Variants in GGA3 observed in about 807,000 individuals in gnomAD.
GGA3 encodes ADP-ribosylation factor-binding protein GGA3.
In GGA3, 57 loss-of-function variants were observed where a neutral mutation model predicts 77.5. The observed-to-expected ratio is 0.74, with a 90% CI of 0.59 to 0.92. GGA3 has a LOEUF of 0.92. Ranked by LOEUF, GGA3 falls within the 40% of genes least tolerant of loss-of-function variation. The probability of loss-of-function intolerance (pLI) is 0.00; values close to 1 mark genes in which losing one functional copy is unlikely to be tolerated. For missense variants in GGA3, 970 were observed against 914.9 expected (o/e 1.06, Z -0.78); for synonymous variants, 416 against 383.7 (o/e 1.08, Z -0.98).
rs372366869 is a variant in GGA3 at position 75,240,453 on chromosome 17, G to A, written c.1193-41C>T. 2.9e-6 allele frequency: 4 copies of A among 1,367,364 alleles called. No homozygotes were observed. The South Asian group carries it at 4.9e-5, about 17-fold the overall frequency. The allele number at this position is 1,367,364 out of a possible 1,614,324, so 84.7% of individuals were successfully genotyped here. On this transcript the variant is annotated intron_variant, in intron 11 of 16. Transcript: ENST00000537686. The stretch of plus-strand genomic sequence containing the variant: ...AAAACAGGATGAGAAGAGGCTCTGA[G>A]CTAGGCAGCCCTAGCCCCGCCTTGC...
chr17:75,248,740 C>G (rs928054342), intron 1 of GGA3: 2 of 507,466 alleles, frequency 3.9e-6, no homozygotes, highest in African/African-American at 4.2e-5. Context: ...GAGCCGAGAT[C>G]GTGCCATTGC....
intron 1 of GGA3, among the ~76,000 whole-genome samples, chr17:75,253,411 A>T (rs2077037865): frequency 6.6e-6 from 1 of 152,206 alleles, no homozygotes; most frequent in South Asian, 2.1e-4. Context: ...TAATCATTGC[A>T]GGGACACCTC....
intron 4 of GGA3, 38 bp from the exon 5 acceptor site, chr17:75,243,608 G>T: frequency 6.2e-7 from 1 of 1,605,372 alleles, no homozygotes; most frequent in Non-Finnish European, 8.5e-7. Flanking sequence ...AGTAAGTGCA[G>T]TTCGGAGGCA....
rs376390518 is a variant in GGA3, at chr17:75,240,381, G to A, written c.1224C>T (p.Pro408=). ...GLADPAPNVP[P]KESAGNSQWH... ...ACTGGCTGTTCCCAGCTGACTCTTT[G>A]GGAGGAACATTAGGGGCTGGGTCGG... Residue 408 remains proline (P), a synonymous_variant, in exon 12 of 17, where the codon CCC becomes CCT. Coordinates refer to ENST00000537686, the MANE Select transcript of GGA3 (RefSeq NM_138619.4). 2.3e-4 allele frequency: 369 copies of A among 1,601,194 alleles called. 3 individuals are homozygous for A. In the Middle Eastern group the frequency reaches 2.9e-3, roughly 13 times the overall value.
chr17:75,246,650 C>G, intron 2 of GGA3, 62 bp downstream of exon 2: 1 of 1,593,644 alleles, frequency 6.3e-7, no homozygotes, highest in Middle Eastern at 1.7e-4. Context: ...CCCTCCTTGG[C>G]CATGGTTGTT....
chr17:75,237,915 ACTCCCAC>A lies in GGA3; in HGVS notation c.*357_*363del. The A allele has an allele frequency of 3.8e-6, 4 of 1,054,072 alleles. No individual in the cohort carries two copies. The highest frequency in any genetic ancestry group is 4.8e-6 in the Non-Finnish European group (4 of 841,146). The allele number at this position is 1,054,072 out of a possible 1,614,324, so 65.3% of individuals were successfully genotyped here. A position where few individuals can be genotyped will look rare whatever the true frequency, so the allele number is the denominator to read the frequency against. ...GACCCATGACAGTCTCTCTTTAGAG[ACTCCCAC>A]CCCCCACCCCCCACCCCAGTGGCTT... On this transcript the variant is annotated 3_prime_UTR_variant, in exon 17 of 17. Coordinates refer to ENST00000537686, the MANE Select transcript of GGA3 (RefSeq NM_138619.4).
chr17:75,239,663 C>G, intron 13 of GGA3, 92 bp from the exon 14 acceptor site: 1 of 1,447,532 alleles, frequency 6.9e-7, no homozygotes, highest in Non-Finnish European at 9.6e-7. Flanking sequence ...CTTACCCAGG[C>G]CCACCCCTTG....
intron 1 of GGA3, among the ~76,000 whole-genome samples, chr17:75,247,127 T>C (rs545807987): frequency 1.3e-5 from 2 of 152,124 alleles, no homozygotes; most frequent in Admixed American, 1.3e-4. Flanking sequence ...ACATGAAACA[T>C]GTAAAGATAA....
chr17:75,246,932 G>A (rs2076780511), intron 1 of GGA3, 136 bp from the exon 2 acceptor site: 2 of 635,810 alleles, frequency 3.1e-6, no homozygotes, highest in Non-Finnish European at 5.5e-6. Context: ...CAGTAGAACA[G>A]TCAGTAGCAA....
At chr17:75,254,800 C>T (rs1567803780) in intron 1 of GGA3, among the ~76,000 whole-genome samples, 1 of 152,162 alleles carries the variant, frequency 6.6e-6, no homozygotes, top group Admixed American at 6.5e-5. Flanking sequence ...ACGCCTAAAC[C>T]GCAGTGGCCA....
At chr17:75,240,300 G>C (rs777720823) in intron 12 of GGA3, 42 bp downstream of exon 12, 9 of 1,392,788 alleles carry the variant, frequency 6.5e-6, no homozygotes, top group Non-Finnish European at 9.0e-6. Flanking sequence ...GAAAGTGGAG[G>C]TCCTTGGCAC....
Position 75,242,292 on chromosome 17 carries a change from G to A in GGA3, c.747+44C>T, listed in dbSNP as rs375735174. On this transcript the variant is annotated intron_variant, in intron 8 of 16. Transcript: ENST00000537686. The stretch of plus-strand genomic sequence containing the variant: ...CAAATGCTGGCTGAGCTCCTGAAGG[G>A]CAGCGCAGCCCCGGGAGGCAGCCTT... The A allele has an allele frequency of 2.5e-6, 4 of 1,609,628 alleles. No individual in the cohort carries two copies. In the African/African-American group the frequency reaches 5.3e-5, roughly 22 times the overall value.
intron 1 of GGA3, among the ~76,000 whole-genome samples, chr17:75,253,525 G>A (rs2077041033): frequency 6.6e-6 from 1 of 152,178 alleles, no homozygotes; most frequent in Non-Finnish European, 1.5e-5. Flanking sequence ...GGAGGGGCAA[G>A]TACCACAACC....
upstream of GGA3, chr17:75,262,102 C>T (rs1313195925): frequency 1.1e-5 from 13 of 1,229,374 alleles, no homozygotes; most frequent in South Asian, 1.3e-4. Flanking sequence ...TGGATTCAAG[C>T]TTCTAAGTTA....
intron 13 of GGA3, 83 bp downstream of exon 13, chr17:75,239,706 C>T: frequency 2.0e-6 from 3 of 1,523,730 alleles, no homozygotes; most frequent in Non-Finnish European, 2.7e-6. Context: ...CTACAAGGCA[C>T]CCCCACCCCT....
chr17:75,258,664 T>G (rs1347246372), intron 1 of GGA3, among the ~76,000 whole-genome samples: 1 of 152,114 alleles, frequency 6.6e-6, no homozygotes, highest in East Asian at 1.9e-4. Flanking sequence ...TGCAAGACTC[T>G]GTCTCAAATA....
intron 8 of GGA3, 174 bp downstream of exon 8, chr17:75,242,162 A>G: frequency 1.4e-6 from 1 of 707,342 alleles, no homozygotes; most frequent in Admixed American, 2.3e-5. Flanking sequence ...CCAGGAGGCA[A>G]ATGGGGACGC....
chr17:75,248,199 T>C (rs1425278413), intron 1 of GGA3, among the ~76,000 whole-genome samples: 1 of 151,684 alleles, frequency 6.6e-6, no homozygotes, highest in African/African-American at 2.4e-5. Context: ...GGGCCGGGCG[T>C]GGTGGCTCAC....
intron 8 of GGA3, 51 bp from the exon 9 acceptor site, chr17:75,241,747 A>T (rs2076567939): frequency 1.4e-6 from 2 of 1,450,232 alleles, no homozygotes; most frequent in Non-Finnish European, 1.9e-6. Flanking sequence ...CTTAGAGATC[A>T]TCTGATTCAT....
Sources: gnomAD v4.1 joint callset for allele counts (sites outside exome capture counted in the v4.1 genomes callset) on GRCh38, gnomAD v4.1.1 for gene constraint, MANE v1.5 for transcripts, NCBI Gene and HGNC (gene_info 2026-07-23, HGNC 2026-07-21) for gene names.